The following FASN variants were observed in gnomAD, a reference collection of about 807,000 sequenced individuals.
The protein encoded by FASN is fatty acid synthase.
Under a neutral mutation model 250.0 loss-of-function variants are expected in FASN, and 50 were observed. The ratio of observed to expected loss-of-function variants is 0.20; its 90% CI spans 0.16 to 0.25. FASN has a LOEUF of 0.25. Among genes scored for constraint, FASN ranks in the 10% least tolerant of loss-of-function variants. The pLI, the probability that FASN is intolerant of heterozygous loss-of-function variation, is 1.00. For missense variants in FASN, 3,031 were observed against 3,498.5 expected, an observed-to-expected ratio of 0.87 and a Z score of 3.37; for synonymous variants, 1,909 against 1,584.0, an observed-to-expected ratio of 1.21 and a Z score of -4.87.
Position 82,079,399 on chromosome 17 carries a change from G to A in FASN, c.7356C>T (p.Gly2452=), listed in dbSNP as rs373461796. 80 of 1,612,872 alleles carry A rather than the reference G, an allele frequency of 5.0e-5. No homozygotes were observed. The highest frequency in any genetic ancestry group is 4.9e-4 in the Middle Eastern group (3 of 6,084). The part of the protein sequence containing the change: ...NVMLLRAKTG[G]AYGEDLGADY... Reference sequence around the variant, plus strand: ...CCGCGCCCAGGTCCTCGCCGTAGGCGCCACCCGTCTTGGCGCGCAGTAGCA... The same window carrying A: ...CCGCGCCCAGGTCCTCGCCGTAGGCACCACCCGTCTTGGCGCGCAGTAGCA... Residue 2452 remains glycine, a synonymous_variant, in exon 42 of 43, where the codon GGC becomes GGT. Coordinates refer to ENST00000306749, the MANE Select transcript of FASN (RefSeq NM_004104.5).
chr17:82,081,717 A>C lies in FASN; in HGVS notation c.6290T>G (p.Leu2097Arg). 1 of 1,612,722 alleles carries C rather than the reference A, an allele frequency of 6.2e-7. No individual in the cohort carries two copies. Among genetic ancestry groups the C allele is most frequent in the Non-Finnish European group, 8.5e-7 (1 of 1,179,996 alleles). Residue 2097 changes from leucine to arginine, a missense_variant, in exon 37 of 43, where the codon CTC becomes CGC. Coordinates refer to ENST00000306749, the MANE Select transcript of FASN (RefSeq NM_004104.5). The part of the protein sequence containing the change: ...RMASCLEVLD[L>R]FLNQPHMVLS... ...GACCATGTGGGGCTGGTTCAGGAAG[A>C]GGTCCAGCACCTCCAGGCAGGACGC...
chr17:82,085,472 GC>G lies in FASN; in HGVS notation c.4122+9del, dbSNP rs1327435886. On this transcript the variant is annotated intron_variant, in intron 23 of 42. Transcript: ENST00000306749. ...GGCCCCCACCCTGTCCCCCTGCCCG[GC>G]GGCCGCACCTGGCTCAGGATGCCCT... 3 of 1,590,620 alleles carry G rather than the reference GC, an allele frequency of 1.9e-6. No individual in the cohort carries two copies. The South Asian group carries it at 3.4e-5, about 18-fold the overall frequency.
rs1330078592 is a variant in FASN at position 82,093,725 on chromosome 17, C to A, written c.327G>T (p.Val109=). The change falls in exon 4 of 43, where the codon GTG becomes GTT. Residue 109 remains valine (V), a synonymous_variant. Transcript: ENST00000306749. ...SLRGTHTGVW[V]GVSGSETSEA... is the part of the protein sequence containing the mutation. ...CCGAGGTCTCAGAGCCGCTCACGCC[C>A]ACCCAGACGCCAGTGTGTGTTCCTC... The A allele has an allele frequency of 8.7e-6, 14 of 1,612,656 alleles. No individual in the cohort carries two copies. Among genetic ancestry groups the A allele is most frequent in the Non-Finnish European group, 1.2e-5 (14 of 1,179,990 alleles).
intron 3 of FASN, among the ~76,000 whole-genome samples, chr17:82,095,108 C>A (rs930050255): frequency 1.3e-5 from 2 of 152,222 alleles, no homozygotes; most frequent in African/African-American, 4.8e-5. Flanking sequence ...CAGGTCAGGG[C>A]ACACCCGCGA....
Position 82,088,194 on chromosome 17 carries a change from G to A in FASN, c.2707C>T (p.Leu903=), listed in dbSNP as rs756239886. 18 of 1,612,342 alleles carry A rather than the reference G, an allele frequency of 1.1e-5. No individual in the cohort carries two copies. The highest frequency in any genetic ancestry group is 6.7e-5 in the Admixed American group (4 of 60,004). Residue 903 remains leucine (L), a synonymous_variant, in exon 17 of 43, where the codon CTG becomes TTG. Transcript: ENST00000306749. ...GGCAGCTGCTCGACGCCCAGGCCCA[G>A]GGCGCGGGCCAGCGTCTTCCACACT... ...SIVWKTLARA[L]GLGVEQLPVV... is the part of the protein sequence containing the mutation.
Position 82,080,793 on chromosome 17 carries a change from C to T in FASN, c.6725G>A (p.Arg2242Gln), listed in dbSNP as rs756482744. Residue 2242 changes from arginine (R) to glutamine (Q), a missense_variant, in exon 39 of 43, where the codon CGG (arginine) becomes CAG (glutamine). Coordinates refer to ENST00000306749, the MANE Select transcript of FASN (RefSeq NM_004104.5). ...MRLNSVQSSE[R>Q]PLFLVHPIEG... ...GATTGGGTGCACCAGGAACAGGGGC[C>T]GCTCCGAGCTCTGCACGGAGTTGAG... 9 of 1,605,722 alleles carry T rather than the reference C, an allele frequency of 5.6e-6. No homozygotes were observed. Among genetic ancestry groups the T allele is most frequent in the East Asian group, 4.5e-5 (2 of 44,580 alleles).
chr17:82,085,048 C>T lies in FASN; in HGVS notation c.4396G>A (p.Gly1466Arg), dbSNP rs765227044. 6.2e-7 allele frequency: 1 copy of T among 1,611,312 alleles called. No homozygotes were observed. The change falls in exon 25 of 43, where the codon GGG becomes AGG. Residue 1466 changes from glycine to arginine, a missense_variant. By Grantham distance (125) the Gly-to-Arg change is moderately radical (BLOSUM62 -2). Transcript: ENST00000306749. ...LVNCLRREPG[G>R]NRLRCVLLSN... Reference sequence around the variant, plus strand: ...CCGTGCTCCTACCGGAGGCGGTTCCCGCCGGGCTCTCGGCGGAGACAGTTC... The same window carrying T: ...CCGTGCTCCTACCGGAGGCGGTTCCTGCCGGGCTCTCGGCGGAGACAGTTC...
Position 82,080,528 on chromosome 17 carries a change from G to A in FASN, c.6889C>T (p.Gln2297Ter). 1.3e-6 allele frequency: 2 copies of A among 1,561,228 alleles called. No homozygotes were observed. Among genetic ancestry groups the A allele is most frequent in the Non-Finnish European group, 1.7e-6 (2 of 1,153,868 alleles). The stretch of plus-strand genomic sequence containing the variant: ...GCCACGCGGTAGGGGCCCTCGGGCT[G>A]CACCTGCCTGATGCAGTCGATGTAG... ...AYYIDCIRQVQPEGPYRVAGY... is the reference protein window; with the variant it reads ...AYYIDCIRQV Residue 2297 changes from glutamine to a stop codon, truncating the protein, a stop_gained, in exon 40 of 43, where the codon CAG becomes TAG. Coordinates refer to ENST00000306749, the MANE Select transcript of FASN (RefSeq NM_004104.5). LOFTEE classifies it high-confidence loss of function.
chr17:82,096,520 C>A, intron 1 of FASN, 68 bp from the exon 2 acceptor site: 1 of 1,598,354 alleles, frequency 6.3e-7, no homozygotes, highest in Non-Finnish European at 8.5e-7. Context: ...AGCCTCGGCA[C>A]CCAGAACAGG....
chr17:82,095,588 C>T (rs1051266206), intron 2 of FASN, 116 bp from the exon 3 acceptor site: 2 of 1,289,456 alleles, frequency 1.6e-6, no homozygotes, highest in African/African-American at 1.5e-5. Context: ...CTCTGCTATG[C>T]CTGGGAGGCC....
rs867655381 is a variant in FASN at position 82,084,142 on chromosome 17, T to C, written c.4931A>G (p.Glu1644Gly). 9 of 1,595,512 alleles carry C rather than the reference T, an allele frequency of 5.6e-6. No homozygotes were observed. The Middle Eastern group carries it at 1.2e-3, about 205-fold the overall frequency. Residue 1644 changes from glutamate (E) to glycine (G), a missense_variant, in exon 29 of 43, where the codon GAG becomes GGG. Physicochemically the swap from Glu to Gly is moderately conservative, Grantham distance 98. Coordinates refer to ENST00000306749, the MANE Select transcript of FASN (RefSeq NM_004104.5). ...GTAGACGACAGGCACCGAGGCCGCC[T>C]CCTCCAGCGTCCTGGGGATGCAGCA... ...WDVPSNWTLE[E>G]AASVPVVYST... is the part of the protein sequence containing the mutation.
intron 16 of FASN, 24 bp downstream of exon 16, chr17:82,088,366 C>A (rs760533311): frequency 1.2e-6 from 2 of 1,611,160 alleles, no homozygotes; most frequent in Non-Finnish European, 1.7e-6. Context: ...GAAGAGTCTG[C>A]CCACCCGCCG....
chr17:82,095,565 G>A, intron 2 of FASN, 93 bp from the exon 3 acceptor site: 2 of 1,464,682 alleles, frequency 1.4e-6, no homozygotes, highest in African/African-American at 1.4e-5. Context: ...GGGCCATGGT[G>A]GAACTGAGGA....
rs2033995066 is a variant in FASN, at chr17:82,081,900, C to T, written c.6164-57G>A. On this transcript the variant is annotated intron_variant, in intron 36 of 42. Coordinates refer to ENST00000306749, the MANE Select transcript of FASN (RefSeq NM_004104.5). ...CGGGGAGGTCGGGGTGGGGAGTGGC[C>T]ACTGGGAGAGGGTGGGGTGGGCAGG... is the stretch of plus-strand genomic sequence containing the variant. The T allele has an allele frequency of 1.9e-4, 64 of 339,082 alleles. No individual in the cohort carries two copies. The highest frequency in any genetic ancestry group is 3.0e-4 in the Non-Finnish European group (63 of 209,016). The allele number at this position is 339,082 out of a possible 1,614,324, so 21.0% of individuals were successfully genotyped here. A position where few individuals can be genotyped will look rare whatever the true frequency, so the allele number is the denominator to read the frequency against.
In FASN at chr17:82,079,518, G is replaced by A. The variant is rs765469966; in HGVS notation, c.7237C>T (p.Arg2413Cys). The A allele has an allele frequency of 6.8e-6, 11 of 1,611,632 alleles. No homozygotes were observed. In the African/African-American group the frequency reaches 9.3e-5, roughly 14 times the overall value. Reference sequence around the variant, plus strand: ...CGGGCCGCAAAGCTCAGCTCCTGGCGGTCCAGGCCCTGGTGGCTCTTGATG... The same window carrying A: ...CGGGCCGCAAAGCTCAGCTCCTGGCAGTCCAGGCCCTGGTGGCTCTTGATG... Reference protein sequence around the residue: ...LIIKSHQGLDRQELSFAARSF... With the variant: ...LIIKSHQGLDCQELSFAARSF... Residue 2413 changes from arginine to cysteine, a missense_variant, in exon 42 of 43, where the codon CGC becomes TGC. Physicochemically the swap from Arg to Cys is radical, Grantham distance 180 (BLOSUM62 -3). Coordinates refer to ENST00000306749, the MANE Select transcript of FASN (RefSeq NM_004104.5).
In FASN at chr17:82,087,136, A is replaced by T; in HGVS notation, c.3341T>A (p.Leu1114Gln). ...RRQQEQQVPI[L>Q]EKFCFTPHTE... Reference sequence around the variant, plus strand: ...GTGGGGAGTGAAGCAAAACTTCTCCAGGATGGGCACCTGCTGCTCCTGCTG... The same window carrying T: ...GTGGGGAGTGAAGCAAAACTTCTCCTGGATGGGCACCTGCTGCTCCTGCTG... Residue 1114 changes from leucine to glutamine, a missense_variant, in exon 21 of 43, where the codon CTG becomes CAG. Physicochemically the swap from Leu to Gln is moderately radical, Grantham distance 113. Transcript: ENST00000306749. 1.2e-6 allele frequency: 2 copies of T among 1,612,060 alleles called. No homozygotes were observed. Among genetic ancestry groups the T allele is most frequent in the Non-Finnish European group, 1.7e-6 (2 of 1,179,820 alleles).
Position 82,093,319 on chromosome 17 carries a change from C to T in FASN, c.555G>A (p.Val185=), listed in dbSNP as rs556347422. The part of the protein sequence containing the change: ...IHSGQCPAAI[V]GGINVLLKPN... The stretch of plus-strand genomic sequence containing the variant: ...GCTTCAGCAGGACATTGATGCCCCC[C>T]ACGATGGCGGCAGGGCACTGCCCGC... The change falls in exon 5 of 43, where the codon GTG becomes GTA. Residue 185 remains valine (V), a synonymous_variant. Coordinates refer to ENST00000306749, the MANE Select transcript of FASN (RefSeq NM_004104.5). 116 of 1,600,410 alleles carry T rather than the reference C, an allele frequency of 7.2e-5. No individual in the cohort carries two copies. The highest frequency in any genetic ancestry group is 9.2e-5 in the Non-Finnish European group (108 of 1,174,692).
chr17:82,087,337 C>G lies in FASN; in HGVS notation c.3211G>C (p.Asp1071His), dbSNP rs1568111403. The G allele has an allele frequency of 6.2e-7, 1 of 1,611,858 alleles. No individual in the cohort carries two copies. Among genetic ancestry groups the G allele is most frequent in the Non-Finnish European group, 8.5e-7 (1 of 1,179,780 alleles). The change falls in exon 20 of 43, where the codon GAC (aspartate) becomes CAC (histidine). Residue 1071 changes from aspartate to histidine, a missense_variant. Physicochemically the swap from Asp to His is moderately conservative, Grantham distance 81 (BLOSUM62 -1). Coordinates refer to ENST00000306749, the MANE Select transcript of FASN (RefSeq NM_004104.5). Reference protein sequence around the residue: ...THRQKLYTLQDKAQVADVVVS... With the variant: ...THRQKLYTLQHKAQVADVVVS... ...GGGGCGGGGCTACCTTGGGCCTTGT[C>G]CTGCAGTGTGTACAGCTTCTGCCTG...
In FASN at chr17:82,083,768, T is replaced by G. The variant is rs1389123353; in HGVS notation, c.5218+4A>C. 1.2e-6 allele frequency: 2 copies of G among 1,611,370 alleles called. No homozygotes were observed. Reference sequence around the variant, plus strand: ...GGCAGGTGGGGGCTGTGGGGGCCACTCACCCTTCCCGCCCGTGTGCCACAG... The same window carrying G: ...GGCAGGTGGGGGCTGTGGGGGCCACGCACCCTTCCCGCCCGTGTGCCACAG... On this transcript the variant is annotated splice_donor_region_variant and intron_variant, in intron 30 of 42. Transcript: ENST00000306749.
Sources: allele counts gnomAD v4.1 joint callset (sites outside exome capture counted in the v4.1 genomes callset), GRCh38; gene constraint gnomAD v4.1.1; transcripts MANE v1.5; gene names NCBI Gene and HGNC (gene_info 2026-07-23, HGNC 2026-07-21).